Variants in LSM5 observed in about 807,000 individuals in gnomAD.
LSM5 encodes LSM5 homolog, U6 small nuclear RNA and mRNA degradation associated.
A neutral mutation model predicts 13.8 loss-of-function variants in LSM5; 8 were observed. The ratio of observed to expected loss-of-function variants is 0.58; its 90% CI spans 0.34 to 1.04. The LOEUF (loss-of-function observed/expected upper bound fraction) is 1.04. LSM5 is among the 50% of genes least tolerant of loss of function. LSM5 has a pLI of 0.03. For missense variants in LSM5, 80 were observed against 108.1 expected (o/e 0.74, Z 1.15); for synonymous variants, 35 against 37.0 (o/e 0.95, Z 0.20).
At chr7:32,489,700 G>C (rs1786530066) in intron 1 of LSM5, 1 of 291,042 alleles carries the variant, frequency 3.4e-6, no homozygotes, top group Admixed American at 5.1e-5. Context: ...GTGCTCTGAC[G>C]GTAGCTTGAA....
At chr7:32,489,518 GC>G (rs1786523960) in intron 1 of LSM5, 174 bp from the exon 2 acceptor site, 1 of 557,096 alleles carries the variant, frequency 1.8e-6, no homozygotes, top group South Asian at 2.3e-5. Flanking sequence ...CACATAATGA[GC>G]CTTCCAAAAG....
At chr7:32,493,739 C>T (rs929104984), upstream of LSM5, among the ~76,000 whole-genome samples, 1 of 150,942 alleles carries the variant, frequency 6.6e-6, no homozygotes, top group African/African-American at 2.4e-5. Context: ...TGGGGTTTCA[C>T]CATGTTGCCC....
upstream of LSM5, chr7:32,490,772 C>A: frequency 9.6e-6 from 2 of 207,896 alleles, no homozygotes; most frequent in Non-Finnish European, 2.2e-5. Context: ...TACAACTACT[C>A]ATTAAGGAAT....
chr7:32,485,406 T>C lies in LSM5; in HGVS notation c.*1855A>G, dbSNP rs1050775590. ...CGTGGACCAAATACAAAAACCATAA[T>C]GGACTAGGTCAACATGCAACTACAT... On this transcript the variant is annotated 3_prime_UTR_variant, in exon 5 of 5. Transcript: ENST00000450169. 3 of 152,194 alleles carry C rather than the reference T, an allele frequency of 2.0e-5. No individual in the cohort carries two copies. The highest frequency in any genetic ancestry group is 2.9e-5 in the Non-Finnish European group (2 of 68,026). 9.4% of individuals were successfully genotyped at this position (152,194 alleles called of 1,614,324 possible). A position where few individuals can be genotyped will look rare whatever the true frequency, so the allele number is the denominator to read the frequency against.
rs1413966323 is a variant in LSM5, at chr7:32,486,919, T to C, written c.*342A>G. 1 of 239,318 alleles carries C rather than the reference T, an allele frequency of 4.2e-6. No individual in the cohort carries two copies. Among genetic ancestry groups the C allele is most frequent in the African/African-American group, 2.3e-5 (1 of 43,458 alleles). 14.8% of individuals were successfully genotyped at this position (239,318 alleles called of 1,614,324 possible). A position where few individuals can be genotyped will look rare whatever the true frequency, so the allele number is the denominator to read the frequency against. Reference sequence around the variant, plus strand: ...GTTTGGAACAACTTTTGTTTGAGAATCAAATGGTCACGTAAATGACAAAAC... The same window carrying C: ...GTTTGGAACAACTTTTGTTTGAGAACCAAATGGTCACGTAAATGACAAAAC... On this transcript the variant is annotated 3_prime_UTR_variant, in exon 5 of 5. Coordinates refer to ENST00000450169, the MANE Select transcript of LSM5 (RefSeq NM_012322.3).
At chr7:32,491,970 A>T (rs1786605423), upstream of LSM5, among the ~76,000 whole-genome samples, 1 of 152,238 alleles carries the variant, frequency 6.6e-6, no homozygotes, top group Non-Finnish European at 1.5e-5. Context: ...AATATTCTTT[A>T]AATTGATTCT....
rs1786435729 is a variant in LSM5, at chr7:32,486,002, G to C, written c.*1259C>G. On this transcript the variant is annotated 3_prime_UTR_variant, in exon 5 of 5. Transcript: ENST00000450169. Reference sequence around the variant, plus strand: ...AACTTTAGACATGCCCGGTTTTCTTGTAAAAATGGCAAAGAGGAGAGAAGG... The same window carrying C: ...AACTTTAGACATGCCCGGTTTTCTTCTAAAAATGGCAAAGAGGAGAGAAGG... 6.7e-6 allele frequency: 1 copy of C among 149,846 alleles called. No individual in the cohort carries two copies. Among genetic ancestry groups the C allele is most frequent in the Admixed American group, 6.7e-5 (1 of 15,004 alleles). The allele number at this position is 149,846 out of a possible 1,614,324, so 9.3% of individuals were successfully genotyped here.
chr7:32,490,225 C>T (rs1786546645), intron 1 of LSM5, 95 bp downstream of exon 1: 2 of 1,608,874 alleles, frequency 1.2e-6, no homozygotes. Context: ...TATACATTTC[C>T]CCACACTCGG....
At chr7:32,489,764 TCTCTC>T (rs1282901982) in intron 1 of LSM5, among the ~76,000 whole-genome samples, 1 of 152,228 alleles carries the variant, frequency 6.6e-6, no homozygotes, top group Non-Finnish European at 1.5e-5. Flanking sequence ...TGTCCAGTGT[TCTCTC>T]CTCCACTGGC....
At chr7:32,487,473 C>T (rs1583462035) in intron 4 of LSM5, 180 bp from the exon 5 acceptor site, 5 of 664,794 alleles carry the variant, frequency 7.5e-6, no homozygotes, top group African/African-American at 1.8e-5. Flanking sequence ...ATCTCAACAG[C>T]GATTAAAAGT....
At chr7:32,488,587 TAAG>T in intron 3 of LSM5, 35 bp downstream of exon 3, 1 of 1,433,682 alleles carries the variant, frequency 7.0e-7, no homozygotes, top group Non-Finnish European at 9.8e-7. Flanking sequence ...TGTCTTTAAT[TAAG>T]AAGAGATTCC....
At chr7:32,487,834 T>G in intron 3 of LSM5, 77 bp from the exon 4 acceptor site, 2 of 759,414 alleles carry the variant, frequency 2.6e-6, no homozygotes. Context: ...TTACCCTCCC[T>G]AAAAAGGTTA....
intron 1 of LSM5, chr7:32,489,706 T>C: frequency 2.0e-5 from 6 of 294,890 alleles, no homozygotes; most frequent in Non-Finnish European, 3.9e-5. Context: ...TGACGGTAGC[T>C]TGAACATCTC....
At chr7:32,489,038 T>G (rs1228663335) in intron 2 of LSM5, among the ~76,000 whole-genome samples, 5 of 152,256 alleles carry the variant, frequency 3.3e-5, no homozygotes, top group African/African-American at 1.2e-4. Flanking sequence ...CAGTTTTAAT[T>G]ACAATGTTTA....
At chr7:32,490,238 A>G in intron 1 of LSM5, 82 bp downstream of exon 1, 1 of 1,613,070 alleles carries the variant, frequency 6.2e-7, no homozygotes, top group Non-Finnish European at 8.5e-7. Context: ...ACACTCGGCC[A>G]GGGCCTGCCT....
At chr7:32,490,004 G>A in intron 1 of LSM5, 1 of 1,310,044 alleles carries the variant, frequency 7.6e-7, no homozygotes, top group Non-Finnish European at 9.9e-7. Context: ...TAAACGCCAG[G>A]CTGAGAAGTA....
rs1786483146 is a variant in LSM5, at chr7:32,487,767, T to G, written c.171-10A>C. 1 of 1,338,916 alleles carries G rather than the reference T, an allele frequency of 7.5e-7. No individual in the cohort carries two copies. The highest frequency in any genetic ancestry group is 1.1e-6 in the Non-Finnish European group (1 of 931,834). 82.9% of individuals were successfully genotyped at this position (1,338,916 alleles called of 1,614,324 possible). A position where few individuals can be genotyped will look rare whatever the true frequency, so the allele number is the denominator to read the frequency against. ...TTCTGGTGTGATTTCACTAAATGAA[T>G]AGATAAAATACAGTCAGGACAAACA... On this transcript the variant is annotated splice_polypyrimidine_tract_variant and intron_variant, in intron 3 of 4. Coordinates refer to ENST00000450169, the MANE Select transcript of LSM5 (RefSeq NM_012322.3).
chr7:32,492,538 A>G (rs960719960), upstream of LSM5, among the ~76,000 whole-genome samples: 1 of 152,174 alleles, frequency 6.6e-6, no homozygotes, highest in Non-Finnish European at 1.5e-5. Flanking sequence ...AACAACAAAA[A>G]AAAAACAGAA....
At position 32,485,820 on chromosome 7, in the gene LSM5, A is replaced by AC. The variant is rs1230415430; in HGVS notation, c.*1440_*1441insG. On this transcript the variant is annotated 3_prime_UTR_variant, in exon 5 of 5. Transcript: ENST00000450169. The stretch of plus-strand genomic sequence containing the variant: ...GTAATCCCAGCTACTCAGGAGGGTG[A>AC]GGCAGGACAATCACTTGAACCTGGG... 1 of 152,064 alleles carries AC rather than the reference A, an allele frequency of 6.6e-6. No individual in the cohort carries two copies. Among genetic ancestry groups the AC allele is most frequent in the East Asian group, 1.9e-4 (1 of 5,194 alleles). The allele number at this position is 152,064 out of a possible 1,614,324, so 9.4% of individuals were successfully genotyped here. A position where few individuals can be genotyped will look rare whatever the true frequency, so the allele number is the denominator to read the frequency against.
Sources: gnomAD v4.1 joint callset for allele counts (sites outside exome capture counted in the v4.1 genomes callset) on GRCh38, gnomAD v4.1.1 for gene constraint, MANE v1.5 for transcripts, NCBI Gene and HGNC (gene_info 2026-07-23, HGNC 2026-07-21) for gene names.